The following OPCML variants were observed in gnomAD, a reference collection of about 807,000 sequenced individuals.
OPCML encodes the protein opioid binding protein/cell adhesion molecule like, also known as opioid-binding protein/cell adhesion molecule.
In OPCML, 13 loss-of-function variants were observed where a neutral mutation model predicts 37.8. That is an observed-to-expected ratio of 0.34 (90% CI 0.22 to 0.55). OPCML has a LOEUF of 0.55. Ranked by LOEUF, OPCML falls within the 20% of genes least tolerant of loss-of-function variation. The pLI, the probability that OPCML is intolerant of heterozygous loss-of-function variation, is 0.91. For missense variants in OPCML, 341 were observed against 435.6 expected (o/e 0.78, Z 1.93); for synonymous variants, 176 against 168.8 (o/e 1.04, Z -0.33).
At chr11:133,200,108 C>T (rs1467746822) in intron 1 of OPCML, among the ~76,000 whole-genome samples, 2 of 152,138 alleles carry the variant, frequency 1.3e-5, no homozygotes, top group African/African-American at 4.8e-5. Flanking sequence ...GCTCCTATCT[C>T]CATGGAAAGC....
chr11:132,599,328 GA>G, intron 3 of OPCML, among the ~76,000 whole-genome samples: 2 of 144,772 alleles, frequency 1.4e-5, no homozygotes, highest in Non-Finnish European at 3.0e-5. Flanking sequence ...AGGAGGAGAA[GA>G]AGGAGGAGGA....
chr11:132,694,309 C>G (rs1221585143), intron 2 of OPCML, among the ~76,000 whole-genome samples: 1 of 150,828 alleles, frequency 6.6e-6, no homozygotes, highest in African/African-American at 2.4e-5. Flanking sequence ...AGCGATTCCC[C>G]TGCCTCAGCC....
chr11:132,980,716 A>C (rs1251401639), intron 1 of OPCML, among the ~76,000 whole-genome samples: 1 of 152,190 alleles, frequency 6.6e-6, no homozygotes, highest in Admixed American at 6.5e-5. Context: ...GTTCATAGAC[A>C]AGAGATAATT....
At chr11:133,341,401 C>T (rs746399410) in intron 1 of OPCML, among the ~76,000 whole-genome samples, 3 of 152,230 alleles carry the variant, frequency 2.0e-5, no homozygotes, top group African/African-American at 4.8e-5. Context: ...TTCCTTGAGT[C>T]GCCTTGACAT....
intron 4 of OPCML, among the ~76,000 whole-genome samples, chr11:132,477,024 G>A (rs533195422): frequency 3.9e-5 from 6 of 152,166 alleles, no homozygotes; most frequent in Admixed American, 2.6e-4. Context: ...TAGGTAAATT[G>A]ACCACTTATC....
chr11:132,541,812 C>G (rs1440216794), intron 3 of OPCML, among the ~76,000 whole-genome samples: 1 of 152,186 alleles, frequency 6.6e-6, no homozygotes, highest in Non-Finnish European at 1.5e-5. Flanking sequence ...ATCCAATGTG[C>G]CTGGCTTCAA....
At chr11:133,325,150 T>C (rs2136630930) in intron 1 of OPCML, among the ~76,000 whole-genome samples, 1 of 152,336 alleles carries the variant, frequency 6.6e-6, no homozygotes, top group South Asian at 2.1e-4. Flanking sequence ...CTAGACTCCC[T>C]TCCTAATGGA....
intron 1 of OPCML, among the ~76,000 whole-genome samples, chr11:133,499,357 T>G (rs1215211662): frequency 6.6e-6 from 1 of 152,236 alleles, no homozygotes; most frequent in African/African-American, 2.4e-5. Context: ...CTTTGTTTAA[T>G]ATTTTCTCCT....
At chr11:132,939,028 T>C (rs1225433192) in intron 2 of OPCML, among the ~76,000 whole-genome samples, 1 of 152,220 alleles carries the variant, frequency 6.6e-6, no homozygotes, top group Admixed American at 6.5e-5. Context: ...TTTATGGACC[T>C]GTCCCTGCTT....
At chr11:132,496,569 C>T (rs1422942898) in intron 4 of OPCML, among the ~76,000 whole-genome samples, 1 of 152,200 alleles carries the variant, frequency 6.6e-6, no homozygotes, top group Non-Finnish European at 1.5e-5. Context: ...TCATGCATGC[C>T]CACTTCCTGG....
intron 4 of OPCML, among the ~76,000 whole-genome samples, chr11:132,470,231 G>T (rs1054784580): frequency 6.6e-6 from 1 of 152,108 alleles, no homozygotes; most frequent in Non-Finnish European, 1.5e-5. Context: ...AGCACCAGTG[G>T]CTAGGATGTT....
chr11:133,128,105 C>G (rs1426451037), intron 1 of OPCML, among the ~76,000 whole-genome samples: 1 of 151,764 alleles, frequency 6.6e-6, no homozygotes, highest in Non-Finnish European at 1.5e-5. Flanking sequence ...AGTCCTGATA[C>G]TCTTTACCGC....
chr11:133,080,996 A>C (rs904623803), intron 1 of OPCML, among the ~76,000 whole-genome samples: 1 of 152,080 alleles, frequency 6.6e-6, no homozygotes, highest in Non-Finnish European at 1.5e-5. Flanking sequence ...GCCAGGCCTT[A>C]TTAGCTTTTG....
At chr11:132,661,256 G>A (rs1941965743) in intron 2 of OPCML, among the ~76,000 whole-genome samples, 1 of 152,120 alleles carries the variant, frequency 6.6e-6, no homozygotes, top group Admixed American at 6.6e-5. Flanking sequence ...CTGAGTAAAA[G>A]CCATCTCTCT....
At chr11:132,854,677 A>G (rs1941977083) in intron 2 of OPCML, among the ~76,000 whole-genome samples, 1 of 152,244 alleles carries the variant, frequency 6.6e-6, no homozygotes, top group African/African-American at 2.4e-5. Context: ...CACATTGCCA[A>G]ATAGTATTCC....
chr11:132,554,878 T>TG (rs2096391132), intron 3 of OPCML, among the ~76,000 whole-genome samples: 1 of 137,896 alleles, frequency 7.3e-6, no homozygotes, highest in Non-Finnish European at 1.6e-5. Flanking sequence ...TTTTTTTTTT[T>TG]TTTTTTTTTT....
chr11:132,749,572 G>A (rs1387956703), intron 2 of OPCML, among the ~76,000 whole-genome samples: 1 of 152,102 alleles, frequency 6.6e-6, no homozygotes, highest in Non-Finnish European at 1.5e-5. Flanking sequence ...TTGGATTTCA[G>A]GAGATTGTTC....
chr11:132,852,258 T>C (rs1941842748), intron 2 of OPCML, among the ~76,000 whole-genome samples: 2 of 152,118 alleles, frequency 1.3e-5, no homozygotes, highest in South Asian at 4.1e-4. Flanking sequence ...CCCACATATA[T>C]GCAAAAAAAC....
intron 3 of OPCML, among the ~76,000 whole-genome samples, chr11:132,647,317 A>C (rs1941199526): frequency 6.6e-6 from 1 of 152,178 alleles, no homozygotes; most frequent in Non-Finnish European, 1.5e-5. Context: ...GGTTAATTGG[A>C]AAATAGAATC....
Sources: gnomAD v4.1 joint callset for allele counts (sites outside exome capture counted in the v4.1 genomes callset) on GRCh38, gnomAD v4.1.1 for gene constraint, MANE v1.5 for transcripts, NCBI Gene and HGNC (gene_info 2026-07-23, HGNC 2026-07-21) for gene names.